The following HNRNPL variants were observed in gnomAD, a reference collection of about 807,000 sequenced individuals.
The protein encoded by HNRNPL is heterogeneous nuclear ribonucleoprotein L.
In HNRNPL, 12 loss-of-function variants were observed where a neutral mutation model predicts 64.0. The observed-to-expected ratio is 0.19, with a 90% CI of 0.12 to 0.30. HNRNPL has a LOEUF of 0.30. HNRNPL is among the 10% of genes least tolerant of loss of function. HNRNPL has a pLI of 1.00. For synonymous variants in HNRNPL, 385 were observed against 313.0 expected, an observed-to-expected ratio of 1.23 and a Z score of -2.43; for missense variants, 484 against 797.4, an observed-to-expected ratio of 0.61 and a Z score of 4.73.
chr19:38,848,807 T>G (rs552422544), intron 1 of HNRNPL, among the ~76,000 whole-genome samples: 1 of 152,304 alleles, frequency 6.6e-6, no homozygotes, highest in South Asian at 2.1e-4. Context: ...CAGGAAGCGT[T>G]AAGGATTTTC....
chr19:38,837,263 G>C, intron 12 of HNRNPL, 121 bp downstream of exon 12: 1 of 756,394 alleles, frequency 1.3e-6, no homozygotes, highest in Non-Finnish European at 2.3e-6. Context: ...ACCTGCCTGT[G>C]TCACCAACAG....
chr19:38,846,725 A>G (rs532972897), intron 2 of HNRNPL, among the ~76,000 whole-genome samples: 2 of 152,080 alleles, frequency 1.3e-5, no homozygotes, highest in African/African-American at 4.8e-5. Flanking sequence ...TGGCTAACAC[A>G]GCGAAACCCC....
At chr19:38,850,681 G>T (rs546351485), upstream of HNRNPL, among the ~76,000 whole-genome samples, 1 of 152,212 alleles carries the variant, frequency 6.6e-6, no homozygotes, top group Non-Finnish European at 1.5e-5. Context: ...TGCGCCGGAA[G>T]GCTAGACCAA....
At position 38,836,461 on chromosome 19, in the gene HNRNPL, GAA is replaced by G. The variant is rs35971309; in HGVS notation, c.*259_*260del. ...ATGGGCAGCACAAATGTATGAACAG[GAA>G]AAAAAAAAATCACATGTACAATAAT... is the stretch of plus-strand genomic sequence containing the variant. On this transcript the variant is annotated 3_prime_UTR_variant, in exon 13 of 13. Coordinates refer to ENST00000221419, the MANE Select transcript of HNRNPL (RefSeq NM_001533.3). 21 of 320,550 alleles carry G rather than the reference GAA, an allele frequency of 6.6e-5. No homozygotes were observed. Among genetic ancestry groups the G allele is most frequent in the South Asian group, 1.6e-4 (3 of 18,444 alleles). 19.9% of individuals were successfully genotyped at this position (320,550 alleles called of 1,614,324 possible). A position where few individuals can be genotyped will look rare whatever the true frequency, so the allele number is the denominator to read the frequency against.
chr19:38,848,232 AG>A (rs964558166), intron 1 of HNRNPL, among the ~76,000 whole-genome samples: 2 of 152,124 alleles, frequency 1.3e-5, no homozygotes, highest in Non-Finnish European at 2.9e-5. Flanking sequence ...CTGGAATTAC[AG>A]GCCCTCGCCA....
In HNRNPL at chr19:38,849,888, T is replaced by G. The variant is rs764304876; in HGVS notation, c.79A>C (p.Arg27=). The G allele has an allele frequency of 1.1e-4, 136 of 1,243,050 alleles. No homozygotes were observed. The highest frequency in any genetic ancestry group is 1.3e-4 in the East Asian group (5 of 37,452). 77.0% of individuals were successfully genotyped at this position (1,243,050 alleles called of 1,614,324 possible). Residue 27 remains arginine (R), a synonymous_variant, in exon 1 of 13, where the codon AGG becomes CGG. Transcript: ENST00000221419. ...ATCTTCACCATCGCTCCCGACCGCC[T>G]CCGCTGCTCGTCCGGCTGCTGCCTC... is the stretch of plus-strand genomic sequence containing the variant. ...EQRQQPDEQR[R]RSGAMVKMAA...
chr19:38,850,742 C>A (rs1246277269), upstream of HNRNPL, among the ~76,000 whole-genome samples: 1 of 152,228 alleles, frequency 6.6e-6, no homozygotes, highest in Non-Finnish European at 1.5e-5. Flanking sequence ...ATACCGTGTT[C>A]ATTTCTACCT....
intron 6 of HNRNPL, chr19:38,841,495 TGCCACCCG>T (rs1972117163): frequency 2.1e-6 from 1 of 476,020 alleles, no homozygotes; most frequent in African/African-American, 2.0e-5. Flanking sequence ...TGCCCTTTCC[TGCCACCCG>T]GCCTGGGTTT....
At chr19:38,839,898 G>T (rs1290132587) in intron 8 of HNRNPL, among the ~76,000 whole-genome samples, 198 bp downstream of exon 8, 2 of 152,034 alleles carry the variant, frequency 1.3e-5, no homozygotes, top group African/African-American at 4.8e-5. Context: ...TTAAACATTG[G>T]TAATTCAAAA....
chr19:38,843,977 C>T, intron 5 of HNRNPL, 31 bp downstream of exon 5: 1 of 1,607,424 alleles, frequency 6.2e-7, no homozygotes, highest in Non-Finnish European at 8.5e-7. Context: ...TGGAAGCTGA[C>T]AAGGGGCAGT....
intron 1 of HNRNPL, chr19:38,849,457 T>G: frequency 1.2e-5 from 5 of 412,636 alleles, no homozygotes; most frequent in East Asian, 4.3e-5. Flanking sequence ...CACTGGGCCA[T>G]TCGCCTCACG....
rs2070475551 is a variant in HNRNPL, at chr19:38,838,577, G to A, written c.1377C>T (p.Ile459=). The change falls in exon 10 of 13, where the codon ATC becomes ATT. Residue 459 remains isoleucine, a synonymous_variant. Transcript: ENST00000221419. ...LNVCVSKQPA[I]MPGQSYGLED... ...CCAACCCGTATGACTGACCAGGCAT[G>A]ATGGCTGGCTGCTTGGAGACACTGC... 2 of 1,613,928 alleles carry A rather than the reference G, an allele frequency of 1.2e-6. No homozygotes were observed. The highest frequency in any genetic ancestry group is 1.1e-5 in the South Asian group (1 of 91,080).
In HNRNPL at chr19:38,843,008, T is replaced by A. The variant is rs374355183; in HGVS notation, c.880+834A>T. Among the ~76,000 whole-genome samples, 294 of 150,850 alleles carry A rather than the reference T, an allele frequency of 1.9e-3. 5 individuals carry two copies. The highest frequency in any genetic ancestry group is 6.2e-3 in the African/African-American group (256 of 40,998). On this transcript the variant is annotated intron_variant, in intron 6 of 12. Coordinates refer to ENST00000221419, the MANE Select transcript of HNRNPL (RefSeq NM_001533.3). ...CCACTGTGAGGATCCTGGGGAAGAGTCTAGCCCACCCTGCCCACTGCTTCC... is the reference window on the plus strand; with the variant it reads ...CCACTGTGAGGATCCTGGGGAAGAGACTAGCCCACCCTGCCCACTGCTTCC...
intron 1 of HNRNPL, among the ~76,000 whole-genome samples, chr19:38,848,899 C>A (rs995616985): frequency 1.3e-5 from 2 of 152,220 alleles, no homozygotes; most frequent in Admixed American, 6.5e-5. Context: ...CTGGAAAACC[C>A]TGCAAATAGG....
At position 38,840,384 on chromosome 19, in the gene HNRNPL, G is replaced by A. The variant is rs763317406; in HGVS notation, c.953-8C>T. The stretch of plus-strand genomic sequence containing the variant: ...ACCCACCGTGGGGCCCTCCTGGGGG[G>A]TGGGAAGGAAAGAGAGGGAGGACGG... On this transcript the variant is annotated splice_polypyrimidine_tract_variant and splice_region_variant and intron_variant, in intron 7 of 12. Coordinates refer to ENST00000221419, the MANE Select transcript of HNRNPL (RefSeq NM_001533.3). The A allele has an allele frequency of 1.9e-6, 3 of 1,559,396 alleles. No homozygotes were observed. The highest frequency in any genetic ancestry group is 3.9e-5 in the Admixed American group (2 of 51,430).
chr19:38,850,108 C>T (rs1021159050), upstream of HNRNPL: 1 of 618,138 alleles, frequency 1.6e-6, no homozygotes, highest in Non-Finnish European at 2.5e-6. Context: ...GCTTATTGGA[C>T]ATTGCCCACG....
intron 6 of HNRNPL, chr19:38,841,248 G>A (rs986450318): frequency 1.4e-5 from 4 of 288,910 alleles, no homozygotes; most frequent in African/African-American, 8.9e-5. Context: ...TAGCGCTTAA[G>A]TGGCAGGCAC....
At position 38,843,922 on chromosome 19, in the gene HNRNPL, G is replaced by C. The variant is rs775295811; in HGVS notation, c.808-8C>G. The stretch of plus-strand genomic sequence containing the variant: ...CACATTCAAGCGTGTAGGCTGCAAG[G>C]ACAGGACAAGACAAGACTTGAGGTC... On this transcript the variant is annotated splice_region_variant and splice_polypyrimidine_tract_variant and intron_variant, in intron 5 of 12. Transcript: ENST00000221419. 12 of 1,613,828 alleles carry C rather than the reference G, an allele frequency of 7.4e-6. No individual in the cohort carries two copies. In the African/African-American group the frequency reaches 1.6e-4, roughly 22 times the overall value.
chr19:38,844,642 C>T (rs1445511751), intron 4 of HNRNPL: 1 of 158,726 alleles, frequency 6.3e-6, no homozygotes, highest in South Asian at 1.7e-4. Context: ...GCTGTTTCCT[C>T]CACCTTGAGT....
Sources: gnomAD v4.1 joint callset for allele counts (sites outside exome capture counted in the v4.1 genomes callset) on GRCh38, gnomAD v4.1.1 for gene constraint, MANE v1.5 for transcripts, NCBI Gene and HGNC (gene_info 2026-07-23, HGNC 2026-07-21) for gene names.